Variants in TOX observed in about 807,000 individuals in gnomAD.
TOX encodes the protein thymocyte selection associated high mobility group box.
A neutral mutation model predicts 53.7 loss-of-function variants in TOX; 11 were observed. That is an observed-to-expected ratio of 0.20 (90% CI 0.13 to 0.34). TOX has a LOEUF of 0.34. Among genes scored for constraint, TOX ranks in the 10% least tolerant of loss-of-function variants. The probability of loss-of-function intolerance (pLI) is 1.00; values close to 1 mark genes in which losing one functional copy is unlikely to be tolerated. For missense variants in TOX, 570 were observed against 664.6 expected (o/e 0.86, Z 1.56); for synonymous variants, 225 against 245.3 (o/e 0.92, Z 0.77).
Position 59,021,495 on chromosome 8 carries a change from T to TA in TOX, c.103-61488dup, listed in dbSNP as rs1814133513. 3.0e-5 allele frequency among the ~76,000 whole-genome samples: 3 copies of TA among 98,710 alleles called. No individual in the cohort carries two copies. The South Asian group carries it at 8.6e-4, about 28-fold the overall frequency. 64.8% of individuals were successfully genotyped at this position (98,710 alleles called of 152,430 possible). On this transcript the variant is annotated intron_variant, in intron 1 of 8. Coordinates refer to ENST00000361421, the MANE Select transcript of TOX (RefSeq NM_014729.3). ...AAAAAAAAAAAAATATATATATATA[T>TA]ATATGCACATATATACAATGTCAGA...
intron 3 of TOX, among the ~76,000 whole-genome samples, chr8:58,898,980 G>A (rs1811693164): frequency 6.6e-6 from 1 of 152,210 alleles, no homozygotes; most frequent in Non-Finnish European, 1.5e-5. Flanking sequence ...GAGAGGTCCA[G>A]TACCTTGGCT....
chr8:58,920,691 A>G lies in TOX; in HGVS notation c.411+18611T>C, dbSNP rs534831880. Among the ~76,000 whole-genome samples the G allele has an allele frequency of 8.7e-4, 117 of 134,960 alleles. 1 individual carries two copies. The highest frequency in any genetic ancestry group is 3.1e-3 in the African/African-American group (114 of 36,374). The allele number at this position is 134,960 out of a possible 152,430, so 88.5% of individuals were successfully genotyped here. A position where few individuals can be genotyped will look rare whatever the true frequency, so the allele number is the denominator to read the frequency against. ...CCTGCACAATGTGCACATGTACCCT[A>G]AAACTTAAAGTATAATAAAAAAAAA... On this transcript the variant is annotated intron_variant, in intron 3 of 8. Transcript: ENST00000361421.
chr8:58,888,562 G>A (rs1444184337), intron 3 of TOX, among the ~76,000 whole-genome samples: 1 of 151,874 alleles, frequency 6.6e-6, no homozygotes, highest in African/African-American at 2.4e-5. Flanking sequence ...ATAGGGTTGG[G>A]CAAGTTGTCC....
At chr8:58,943,210 T>C (rs905453157) in intron 2 of TOX, among the ~76,000 whole-genome samples, 2 of 152,182 alleles carry the variant, frequency 1.3e-5, no homozygotes, top group African/African-American at 4.8e-5. Flanking sequence ...TCAGAAGCTA[T>C]GGAGCCTAAC....
intron 1 of TOX, among the ~76,000 whole-genome samples, chr8:58,984,514 C>T (rs1183721922): frequency 6.6e-6 from 1 of 152,094 alleles, no homozygotes; most frequent in Non-Finnish European, 1.5e-5. Context: ...CTAAAAAGGA[C>T]GGGCGCGGTG....
intron 1 of TOX, among the ~76,000 whole-genome samples, chr8:59,073,559 T>A (rs1374624709): frequency 3.9e-5 from 6 of 152,158 alleles, no homozygotes; most frequent in Non-Finnish European, 4.4e-5. Flanking sequence ...ACTTTTTTTT[T>A]AATCTTGTTT....
Position 59,002,622 on chromosome 8 carries a change from CA to C in TOX, c.103-42615del, listed in dbSNP as rs199576655. 1.6e-3 allele frequency among the ~76,000 whole-genome samples: 242 copies of C among 150,162 alleles called. No homozygotes were observed. The Middle Eastern group carries it at 0.017, about 11-fold the overall frequency. ...ACAACAACAACAAAAAAAAAACAAA[CA>C]AAAAAAATCAGGCATATAAAATGAA... On this transcript the variant is annotated intron_variant, in intron 1 of 8. Coordinates refer to ENST00000361421, the MANE Select transcript of TOX (RefSeq NM_014729.3).
At chr8:59,053,956 T>A (rs1284323539) in intron 1 of TOX, among the ~76,000 whole-genome samples, 2 of 152,302 alleles carry the variant, frequency 1.3e-5, no homozygotes, top group South Asian at 4.1e-4. Context: ...CTTATTAAAC[T>A]TTTTTAACTT....
At chr8:58,822,451 A>G (rs1055309170) in intron 6 of TOX, among the ~76,000 whole-genome samples, 8 of 152,194 alleles carry the variant, frequency 5.3e-5, no homozygotes, top group Non-Finnish European at 4.4e-5. Context: ...CCTATGTCCT[A>G]TAGATGTATC....
At chr8:58,902,333 T>C (rs185071859) in intron 3 of TOX, among the ~76,000 whole-genome samples, 8 of 152,226 alleles carry the variant, frequency 5.3e-5, no homozygotes, top group East Asian at 3.9e-4. Context: ...GAATGAAAAA[T>C]GAACAATTCA....
chr8:59,097,915 G>C (rs1022247314), intron 1 of TOX, among the ~76,000 whole-genome samples: 15 of 151,988 alleles, frequency 9.9e-5, no homozygotes, highest in Non-Finnish European at 1.9e-4. Context: ...TTTTCATGGT[G>C]GGCCCCTAAA....
chr8:58,815,456 G>C lies in TOX; in HGVS notation c.1274C>G (p.Pro425Arg). The C allele has an allele frequency of 6.2e-7, 1 of 1,614,094 alleles. No individual in the cohort carries two copies. The highest frequency in any genetic ancestry group is 8.5e-7 in the Non-Finnish European group (1 of 1,180,000). ...CATGTTGAGATGCTGGTGAAGAGGC[G>C]GGCTGATCTGGAGGGGAGGAGGAGG... is the stretch of plus-strand genomic sequence containing the variant. ...VSPPPPLQISPPLHQHLNMQQ... is the reference protein window; with the variant it reads ...VSPPPPLQISRPLHQHLNMQQ... The change falls in exon 7 of 9, where the codon CCG becomes CGG. Residue 425 changes from proline (P) to arginine (R), a missense_variant. Pro to Arg is a moderately radical substitution (Grantham distance 103, BLOSUM62 -2). Around this residue, in one of 3 missense-constraint regions of TOX, gnomAD observed 239 missense variants for 250.7 expected, o/e 0.95. Transcript: ENST00000361421.
At chr8:59,103,715 C>T (rs995283354) in intron 1 of TOX, among the ~76,000 whole-genome samples, 20 of 152,182 alleles carry the variant, frequency 1.3e-4, no homozygotes, top group African/African-American at 1.2e-4. Context: ...CCTTCAAAAA[C>T]GCCAACAGAG....
rs1309002519 is a variant in TOX, at chr8:59,118,561, C to G, written c.102+325G>C. ...CCTCCGTTCCTGGACCCCAGACACACCCCCAAAGTATTCCACGGTTTTCTC... is the reference window on the plus strand; with the variant it reads ...CCTCCGTTCCTGGACCCCAGACACAGCCCCAAAGTATTCCACGGTTTTCTC... On this transcript the variant is annotated intron_variant, in intron 1 of 8. Transcript: ENST00000361421. This position sits in a 1 kb window ranked among gnomAD's most constrained non-coding sequence, Gnocchi z 4.1. Among the ~76,000 whole-genome samples the G allele has an allele frequency of 6.6e-6, 1 of 152,212 alleles. No homozygotes were observed. The highest frequency in any genetic ancestry group is 1.5e-5 in the Non-Finnish European group (1 of 68,036).
At chr8:59,006,093 G>A (rs1813788041) in intron 1 of TOX, among the ~76,000 whole-genome samples, 1 of 152,160 alleles carries the variant, frequency 6.6e-6, no homozygotes, top group South Asian at 2.1e-4. Context: ...ATCTTCTAAT[G>A]TTCAAATAAG....
At chr8:58,980,393 C>G (rs1358706059) in intron 1 of TOX, among the ~76,000 whole-genome samples, 1 of 151,906 alleles carries the variant, frequency 6.6e-6, no homozygotes, top group Non-Finnish European at 1.5e-5. Context: ...CTGTCCAATA[C>G]TGGAAGGTGT....
At chr8:58,847,525 A>G (rs1810737658) in intron 4 of TOX, among the ~76,000 whole-genome samples, 1 of 152,176 alleles carries the variant, frequency 6.6e-6, no homozygotes, top group Admixed American at 6.6e-5. Flanking sequence ...AAAATATGAA[A>G]AAGAGTCATG....
At chr8:58,830,203 T>C (rs1810430030) in intron 5 of TOX, among the ~76,000 whole-genome samples, 1 of 152,140 alleles carries the variant, frequency 6.6e-6, no homozygotes, top group African/African-American at 2.4e-5. Context: ...TCATAATACA[T>C]CATTTATCAT....
At chr8:59,034,233 A>T (rs1021320719) in intron 1 of TOX, among the ~76,000 whole-genome samples, 5 of 152,210 alleles carry the variant, frequency 3.3e-5, no homozygotes, top group Admixed American at 3.3e-4. Context: ...GTCCCAAACG[A>T]TCATTAATAA....
Sources: gnomAD v4.1 joint callset for allele counts (sites outside exome capture counted in the v4.1 genomes callset) on GRCh38, gnomAD v4.1.1 for gene constraint, gnomAD v4.1.1 regional missense constraint, Gnocchi (gnomAD v3.1) non-coding constraint, MANE v1.5 for transcripts, NCBI Gene and HGNC (gene_info 2026-07-23, HGNC 2026-07-21) for gene names.